Variants in CCDC81 observed in about 807,000 individuals in gnomAD.
The protein encoded by CCDC81 is coiled-coil domain containing 81, also known as coiled-coil domain-containing protein 81.
A neutral mutation model predicts 83.7 loss-of-function variants in CCDC81; 79 were observed. That is an observed-to-expected ratio of 0.94 (90% CI 0.79 to 1.14). The LOEUF is 1.14. CCDC81 is among the 50% of genes most tolerant of loss of function. The pLI is 0.00. For missense variants in CCDC81, 791 were observed against 778.1 expected (o/e 1.02, Z -0.20); for synonymous variants, 252 against 278.1 (o/e 0.91, Z 0.93).
chr11:86,395,444 G>T (rs777436667), intron 5 of CCDC81, 31 bp downstream of exon 5: 5 of 1,551,442 alleles, frequency 3.2e-6, no homozygotes, highest in Non-Finnish European at 4.5e-6. Flanking sequence ...GTTCCTCTAG[G>T]CACTAGCACT....
At chr11:86,404,361 A>G (rs1374437382) in intron 7 of CCDC81, among the ~76,000 whole-genome samples, 2 of 152,238 alleles carry the variant, frequency 1.3e-5, no homozygotes, top group Non-Finnish European at 2.9e-5. Context: ...TGCTATGCCC[A>G]TCCATTTGCA....
In CCDC81 at chr11:86,395,970, C is replaced by T. The variant is rs181791413; in HGVS notation, c.635+557C>T. ...CCCTTGGCTCCTGGAAATTCTGATA[C>T]TACCTTCCATTAACCTTAGTCCCTG... On this transcript the variant is annotated intron_variant, in intron 5 of 14. Coordinates refer to ENST00000445632, the MANE Select transcript of CCDC81 (RefSeq NM_001156474.2). Among the ~76,000 whole-genome samples the T allele has an allele frequency of 2.0e-5, 3 of 152,266 alleles. No individual in the cohort carries two copies. In the East Asian group the frequency reaches 5.8e-4, roughly 29 times the overall value.
intron 4 of CCDC81, among the ~76,000 whole-genome samples, chr11:86,394,280 G>A (rs1047129695): frequency 2.6e-5 from 4 of 152,146 alleles, no homozygotes; most frequent in East Asian, 1.9e-4. Context: ...TTTACAGAAC[G>A]TTTTCCAAAA....
intron 3 of CCDC81, among the ~76,000 whole-genome samples, chr11:86,390,433 G>C (rs903222945): frequency 5.3e-5 from 8 of 152,198 alleles, no homozygotes; most frequent in Admixed American, 3.9e-4. Flanking sequence ...CCAATTGTGA[G>C]GGGCCTTATA....
chr11:86,408,377 G>A (rs901572261), intron 9 of CCDC81, 107 bp downstream of exon 9: 1 of 1,120,140 alleles, frequency 8.9e-7, no homozygotes, highest in South Asian at 2.1e-5. Flanking sequence ...CTGTCACCCA[G>A]GTTGGAATGC....
chr11:86,392,625 A>G lies in CCDC81; in HGVS notation c.383A>G (p.Lys128Arg). The part of the protein sequence containing the change: ...FNRDVVEGCV[K>R]ETLLFLSRSI... The stretch of plus-strand genomic sequence containing the variant: ...AGAGATGTAGTGGAAGGATGTGTGA[A>G]GGAGACGTTGCTTTTTTTATCGCGT... The change falls in exon 4 of 15, where the codon AAG becomes AGG. Residue 128 changes from lysine (K) to arginine (R), a missense_variant. Transcript: ENST00000445632. The G allele has an allele frequency of 6.4e-7, 1 of 1,551,682 alleles. No individual in the cohort carries two copies. Among genetic ancestry groups the G allele is most frequent in the Non-Finnish European group, 8.7e-7 (1 of 1,146,964 alleles).
intron 6 of CCDC81, among the ~76,000 whole-genome samples, chr11:86,398,542 T>TA (rs1948439903): frequency 6.6e-6 from 1 of 151,914 alleles, no homozygotes; most frequent in East Asian, 1.9e-4. Context: ...TTTTTTTTTT[T>TA]AACCAAAGAC....
At chr11:86,407,211 C>G (rs1451308974) in intron 7 of CCDC81, among the ~76,000 whole-genome samples, 1 of 152,216 alleles carries the variant, frequency 6.6e-6, no homozygotes, top group Non-Finnish European at 1.5e-5. Context: ...CTATCCCCAT[C>G]AGAATGTTAA....
intron 3 of CCDC81, among the ~76,000 whole-genome samples, chr11:86,392,155 C>T (rs1040133595): frequency 5.3e-5 from 8 of 152,154 alleles, no homozygotes; most frequent in African/African-American, 1.7e-4. Flanking sequence ...AGATCCAAAC[C>T]ATATCAGCAA....
At position 86,412,521 on chromosome 11, in the gene CCDC81, G is replaced by C; in HGVS notation, c.1353G>C (p.Glu451Asp). ...AAATAAAGCAAAGACAATACAGAGA[G>C]TTGATGGACCGCCTGGAACAAGTGC... ...ENEIKQRQYR[E>D]LMDRLEQVQL... is the part of the protein sequence containing the mutation. The change falls in exon 11 of 15, where the codon GAG (glutamate) becomes GAC (aspartate). Residue 451 changes from glutamate to aspartate, a missense_variant. Coordinates refer to ENST00000445632, the MANE Select transcript of CCDC81 (RefSeq NM_001156474.2). The C allele has an allele frequency of 6.2e-7, 1 of 1,613,238 alleles. No individual in the cohort carries two copies. The highest frequency in any genetic ancestry group is 8.5e-7 in the Non-Finnish European group (1 of 1,179,760).
At chr11:86,400,095 C>T (rs1313213095) in intron 6 of CCDC81, among the ~76,000 whole-genome samples, 2 of 147,156 alleles carry the variant, frequency 1.4e-5, no homozygotes, top group African/African-American at 2.5e-5. Context: ...TGGGTTACTG[C>T]ACTCCAGCCT....
In CCDC81 at chr11:86,409,282, G is replaced by C. The variant is rs753149311; in HGVS notation, c.1135G>C (p.Glu379Gln). 1.3e-6 allele frequency: 2 copies of C among 1,504,604 alleles called. No homozygotes were observed. Among genetic ancestry groups the C allele is most frequent in the Non-Finnish European group, 1.8e-6 (2 of 1,125,926 alleles). The allele number at this position is 1,504,604 out of a possible 1,614,324, so 93.2% of individuals were successfully genotyped here. Residue 379 changes from glutamate (E) to glutamine (Q), a missense_variant, in exon 10 of 15, where the codon GAA becomes CAA. Glu to Gln is a conservative substitution (Grantham distance 29). Transcript: ENST00000445632. Reference protein sequence around the residue: ...RHQMKSLATREQNQKNAAYNL... With the variant: ...RHQMKSLATRQQNQKNAAYNL... ...ATAGATGAAAAGTCTGGCTACTAGA[G>C]AACAGAATCAGAAAAATGCTGCCTA...
At chr11:86,377,968 C>CTTTTTTGTTTT (rs1948120747) in intron 1 of CCDC81, among the ~76,000 whole-genome samples, 1 of 73,350 alleles carries the variant, frequency 1.4e-5, no homozygotes, top group African/African-American at 5.2e-5. Flanking sequence ...TGCCTAGGTT[C>CTTTTTTGTTTT]TTTTTTTTTT....
intron 7 of CCDC81, among the ~76,000 whole-genome samples, chr11:86,406,230 C>T (rs1948563986): frequency 6.6e-6 from 1 of 152,096 alleles, no homozygotes; most frequent in South Asian, 2.1e-4. Flanking sequence ...AGTTATTTTC[C>T]TTCAGCATTT....
At chr11:86,387,373 T>C (rs1416124558) in intron 2 of CCDC81, 143 bp from the exon 3 acceptor site, 2 of 669,704 alleles carry the variant, frequency 3.0e-6, no homozygotes, top group Admixed American at 5.7e-5. Flanking sequence ...TATAAAATGC[T>C]ATAGCTCTGA....
At position 86,419,930 on chromosome 11, in the gene CCDC81, A is replaced by T; in HGVS notation, c.1694A>T (p.His565Leu). ...CCAGGCTGTTCTTTTCTCTCCAGGC[A>T]CTTGGCAGACAGAACCGCTGAGCTG... is the stretch of plus-strand genomic sequence containing the variant. ...LQMLQRTQRE[H>L]LADRTAELER... Residue 565 changes from histidine (H) to leucine (L), a missense_variant and splice_region_variant, in exon 14 of 15, where the codon CAC becomes CTC. By Grantham distance (99) the His-to-Leu change is moderately conservative (BLOSUM62 -3). Coordinates refer to ENST00000445632, the MANE Select transcript of CCDC81 (RefSeq NM_001156474.2). 2 of 1,611,798 alleles carry T rather than the reference A, an allele frequency of 1.2e-6. No homozygotes were observed. The highest frequency in any genetic ancestry group is 1.7e-6 in the Non-Finnish European group (2 of 1,179,084).
At position 86,422,682 on chromosome 11, in the gene CCDC81, C is replaced by T; in HGVS notation, c.1926C>T (p.Asn642=). The T allele has an allele frequency of 6.2e-7, 1 of 1,614,176 alleles. No homozygotes were observed. Reference sequence around the variant, plus strand: ...GCGAGAGCAACCTGTGGCCCCTGAACAAGTTCCTGCCTGGCTCCCGGTTGC... The same window carrying T: ...GCGAGAGCAACCTGTGGCCCCTGAATAAGTTCCTGCCTGGCTCCCGGTTGC... ...NVGESNLWPL[N]KFLPGSRLLV Residue 642 remains asparagine, a synonymous_variant, in exon 15 of 15, where the codon AAC becomes AAT. Coordinates refer to ENST00000445632, the MANE Select transcript of CCDC81 (RefSeq NM_001156474.2).
intron 3 of CCDC81, among the ~76,000 whole-genome samples, chr11:86,389,075 A>G (rs1948287577): frequency 6.6e-6 from 1 of 152,094 alleles, no homozygotes; most frequent in Admixed American, 6.6e-5. Context: ...GGATCACTTG[A>G]GGCCAGAAGT....
intron 5 of CCDC81, among the ~76,000 whole-genome samples, chr11:86,396,411 A>G (rs1014450508): frequency 1.3e-5 from 2 of 152,184 alleles, no homozygotes; most frequent in Non-Finnish European, 2.9e-5. Flanking sequence ...TTATGTTAAT[A>G]ATCTTAATTG....
Sources: allele counts gnomAD v4.1 joint callset (sites outside exome capture counted in the v4.1 genomes callset), GRCh38; gene constraint gnomAD v4.1.1; transcripts MANE v1.5; gene names NCBI Gene and HGNC (gene_info 2026-07-23, HGNC 2026-07-21).